Variants in GKN1 observed in about 807,000 individuals in gnomAD.
The protein encoded by GKN1 is gastrokine-1.
Under a neutral mutation model 19.7 loss-of-function variants are expected in GKN1, and 17 were observed. That is an observed-to-expected ratio of 0.86 (90% CI 0.59 to 1.29). GKN1 has a LOEUF of 1.29. Ranked by LOEUF, GKN1 falls within the 50% of genes most tolerant of loss-of-function variation. The probability of loss-of-function intolerance (pLI) is 0.00; values close to 1 mark genes in which losing one functional copy is unlikely to be tolerated. For missense variants in GKN1, 218 were observed against 224.5 expected, an observed-to-expected ratio of 0.97 and a Z score of 0.19; for synonymous variants, 96 against 78.3, an observed-to-expected ratio of 1.23 and a Z score of -1.20.
chr2:68,980,682 G>C (rs1185674805), intron 5 of GKN1, 47 bp from the exon 6 acceptor site: 2 of 957,636 alleles, frequency 2.1e-6, no homozygotes, highest in Non-Finnish European at 3.4e-6. Context: ...CAAGAAAAGA[G>C]TCCTTAAATA....
At chr2:68,976,360 A>G (rs1325097710) in intron 1 of GKN1, among the ~76,000 whole-genome samples, 1 of 152,118 alleles carries the variant, frequency 6.6e-6, no homozygotes, top group Non-Finnish European at 1.5e-5. Flanking sequence ...TAAAACAGTA[A>G]CTTTCTTATA....
intron 1 of GKN1, among the ~76,000 whole-genome samples, chr2:68,976,653 C>T (rs536823112): frequency 1.3e-5 from 2 of 152,152 alleles, no homozygotes; most frequent in African/African-American, 4.8e-5. Flanking sequence ...ATCTTTACTC[C>T]TATCTCTTAA....
chr2:68,978,507 A>T (rs1670311455), intron 3 of GKN1, among the ~76,000 whole-genome samples: 1 of 152,138 alleles, frequency 6.6e-6, no homozygotes, highest in South Asian at 2.1e-4. Context: ...TATCTGGTCA[A>T]TTGGAAAAAT....
At chr2:68,974,758 A>G in intron 1 of GKN1, 69 bp downstream of exon 1, 1 of 1,068,108 alleles carries the variant, frequency 9.4e-7, no homozygotes, top group Non-Finnish European at 1.5e-6. Flanking sequence ...GAGATTTAGG[A>G]GGTCTGCTTC....
intron 5 of GKN1, 139 bp from the exon 6 acceptor site, chr2:68,980,590 G>T: frequency 1.6e-6 from 1 of 608,682 alleles, no homozygotes; most frequent in Non-Finnish European, 2.9e-6. Flanking sequence ...TCTCTGAATT[G>T]ATTGATTTCA....
At chr2:68,980,249 T>C (rs1451990666) in intron 5 of GKN1, among the ~76,000 whole-genome samples, 189 bp downstream of exon 5, 2 of 152,154 alleles carry the variant, frequency 1.3e-5, no homozygotes, top group Admixed American at 1.3e-4. Flanking sequence ...TTCACAGCAA[T>C]CTTATAGGTT....
Position 68,978,913 on chromosome 2 carries a change from G to T in GKN1, c.247G>T (p.Val83Leu), listed in dbSNP as rs1361666377. 2 of 1,610,990 alleles carry T rather than the reference G, an allele frequency of 1.2e-6. No individual in the cohort carries two copies. The highest frequency in any genetic ancestry group is 2.2e-5 in the South Asian group (2 of 90,662). Residue 83 changes from valine to leucine, a missense_variant, in exon 4 of 6, where the codon GTG (valine) becomes TTG (leucine). Coordinates refer to ENST00000377938, the MANE Select transcript of GKN1 (RefSeq NM_019617.4). The part of the protein sequence containing the change: ...TRLFQKKTCI[V>L]HKMNKEVMPS... ...ACTCTTTCAAAAGAAGACATGCATT[G>T]TGCACAAAATGAACAAGGAAGTCAT...
At chr2:68,977,839 T>C in intron 3 of GKN1, 65 bp downstream of exon 3, 3 of 1,264,574 alleles carry the variant, frequency 2.4e-6, no homozygotes. Flanking sequence ...TAACAAAAAA[T>C]GTGCATGTTA....
chr2:68,977,015 T>C (rs1403224064), intron 1 of GKN1, among the ~76,000 whole-genome samples: 2 of 152,192 alleles, frequency 1.3e-5, no homozygotes, highest in Non-Finnish European at 2.9e-5. Context: ...TATTCTGACA[T>C]TTCCAGAAGT....
intron 5 of GKN1, among the ~76,000 whole-genome samples, chr2:68,980,486 C>T (rs1393727021): frequency 1.3e-5 from 2 of 152,192 alleles, no homozygotes; most frequent in Non-Finnish European, 2.9e-5. Context: ...CTTTCTATAG[C>T]TCAGACAATC....
chr2:68,978,403 T>C (rs113759955), intron 3 of GKN1, among the ~76,000 whole-genome samples: 52 of 151,992 alleles, frequency 3.4e-4, no homozygotes, highest in African/African-American at 1.2e-3. Context: ...AAGGAACACT[T>C]AGCACTAGTT....
In GKN1 at chr2:68,974,694, G is replaced by A; in HGVS notation, c.12+5G>A. On this transcript the variant is annotated splice_donor_5th_base_variant and intron_variant, in intron 1 of 5. Coordinates refer to ENST00000377938, the MANE Select transcript of GKN1 (RefSeq NM_019617.4). ...GAAGACAAGATGAAGTTCACAGTGA[G>A]TAGATTTTTCCTTTTGAATTTACCA... is the stretch of plus-strand genomic sequence containing the variant. 4 of 1,568,142 alleles carry A rather than the reference G, an allele frequency of 2.6e-6. No individual in the cohort carries two copies. The highest frequency in any genetic ancestry group is 1.1e-5 in the South Asian group (1 of 90,120).
Position 68,977,743 on chromosome 2 carries a change from AC to A in GKN1, c.174del (p.Ser59ProfsTer28). 6.2e-7 allele frequency: 1 copy of A among 1,611,724 alleles called. No individual in the cohort carries two copies. ...AATGTTGACAATAACAACGGATGGG[AC>A]TCCTGGAATTCCATCTGGGATTATG... is the stretch of plus-strand genomic sequence containing the variant. ...VANVDNNNGW[D>X]SWNSIWDYGN... On this transcript the variant is annotated frameshift_variant, in exon 3 of 6. Transcript: ENST00000377938. LOFTEE classifies it high-confidence loss of function.
At chr2:68,979,351 C>T (rs1174963721) in intron 4 of GKN1, among the ~76,000 whole-genome samples, 1 of 152,116 alleles carries the variant, frequency 6.6e-6, no homozygotes, top group Admixed American at 6.5e-5. Flanking sequence ...TTTAGGTAAG[C>T]AGCAGGTCTT....
At chr2:68,978,637 C>A (rs1470918053) in intron 3 of GKN1, among the ~76,000 whole-genome samples, 1 of 152,114 alleles carries the variant, frequency 6.6e-6, no homozygotes, top group Non-Finnish European at 1.5e-5. Flanking sequence ...CATGCTGGAA[C>A]CTGGAAATAA....
At chr2:68,976,573 T>C (rs1381683788) in intron 1 of GKN1, among the ~76,000 whole-genome samples, 1 of 152,200 alleles carries the variant, frequency 6.6e-6, no homozygotes, top group Non-Finnish European at 1.5e-5. Context: ...AACCAAGCCA[T>C]GTCAGTTATC....
In GKN1 at chr2:68,978,936, C is replaced by T; in HGVS notation, c.270C>T (p.Val90=). 1 of 1,608,630 alleles carries T rather than the reference C, an allele frequency of 6.2e-7. No individual in the cohort carries two copies. The highest frequency in any genetic ancestry group is 8.5e-7 in the Non-Finnish European group (1 of 1,175,422). Residue 90 remains valine (V), a synonymous_variant, in exon 4 of 6, where the codon GTC becomes GTT. Coordinates refer to ENST00000377938, the MANE Select transcript of GKN1 (RefSeq NM_019617.4). The stretch of plus-strand genomic sequence containing the variant: ...TTGTGCACAAAATGAACAAGGAAGT[C>T]ATGCCCTCCATTCAATCCCTTGATG... The part of the protein sequence containing the change: ...TCIVHKMNKE[V]MPSIQSLDAL...
At chr2:68,975,420 A>G (rs972423489) in intron 1 of GKN1, among the ~76,000 whole-genome samples, 1 of 152,200 alleles carries the variant, frequency 6.6e-6, no homozygotes, top group Admixed American at 6.5e-5. Context: ...CTGTGGTTCC[A>G]GACAGAAGCC....
rs76956057 is a variant in GKN1, at chr2:68,980,933, A to G, written c.*110A>G. On this transcript the variant is annotated 3_prime_UTR_variant, in exon 6 of 6. Coordinates refer to ENST00000377938, the MANE Select transcript of GKN1 (RefSeq NM_019617.4). ...ATTCTGAAATTTTTCTCTACTAGTT[A>G]TGTTTGATTTCTTTAAGTTTCAATA... 6.9e-4 allele frequency: 451 copies of G among 657,592 alleles called. 6 individuals are homozygous for G. The African/African-American group carries it at 7.1e-3, about 10-fold the overall frequency. The allele number at this position is 657,592 out of a possible 1,614,324, so 40.7% of individuals were successfully genotyped here. A position where few individuals can be genotyped will look rare whatever the true frequency, so the allele number is the denominator to read the frequency against.
Sources: allele counts gnomAD v4.1 joint callset (sites outside exome capture counted in the v4.1 genomes callset), GRCh38; gene constraint gnomAD v4.1.1; transcripts MANE v1.5; gene names NCBI Gene and HGNC (gene_info 2026-07-23, HGNC 2026-07-21).